NOMO1: variants seen among roughly 807,000 people sequenced by gnomAD.
The protein encoded by NOMO1 is NODAL modulator 1, also known as nodal modulator 3.
NOMO1 carries 40 observed loss-of-function variants against 133.8 expected under a neutral mutation model. The ratio of observed to expected loss-of-function variants is 0.30; its 90% CI spans 0.23 to 0.39. NOMO1 has a LOEUF of 0.39. Among genes scored for constraint, NOMO1 ranks in the 10% least tolerant of loss-of-function variants. The pLI is 1.00. For missense variants in NOMO1, 462 were observed against 1,419.9 expected (o/e 0.33, Z 10.84); for synonymous variants, 236 against 570.5 (o/e 0.41, Z 8.36).
chr16:14,878,835 G>T lies in NOMO1; in HGVS notation c.2757+1G>T. 8 of 1,611,092 alleles carry T rather than the reference G, an allele frequency of 5.0e-6. No homozygotes were observed. Among genetic ancestry groups the T allele is most frequent in the Non-Finnish European group, 5.9e-6 (7 of 1,179,236 alleles). On this transcript the variant is annotated splice_donor_variant, in intron 23 of 30. Coordinates refer to ENST00000287667, the MANE Select transcript of NOMO1 (RefSeq NM_014287.4). LOFTEE classifies it high-confidence loss of function. ...CGGCATTCTGACATTCTCAAACCTG[G>T]TAACGTGTTCTGCAATTTACCACCT...
rs372716658 is a variant in NOMO1, at chr16:14,868,561, A to G, written c.1820A>G (p.Asp607Gly). ...SHAITLEFYQDGNGRENVGIY... is the reference protein window; with the variant it reads ...SHAITLEFYQGGNGRENVGIY... ...TTGCTTCCTTAGGAATTTTATCAGGATGGAAATGGGCGTGAGAATGTGGGG... is the reference window on the plus strand; with the variant it reads ...TTGCTTCCTTAGGAATTTTATCAGGGTGGAAATGGGCGTGAGAATGTGGGG... Residue 607 changes from aspartate to glycine, a missense_variant, in exon 16 of 31, where the codon GAT (aspartate) becomes GGT (glycine). Transcript: ENST00000287667. 99 of 1,611,586 alleles carry G rather than the reference A, an allele frequency of 6.1e-5. 1 individual carries two copies. Among genetic ancestry groups the G allele is most frequent in the Non-Finnish European group, 8.1e-5 (95 of 1,179,724 alleles).
intron 9 of NOMO1, among the ~76,000 whole-genome samples, chr16:14,856,222 G>T (rs911648540): frequency 6.6e-6 from 1 of 151,898 alleles, no homozygotes; most frequent in Non-Finnish European, 1.5e-5. Context: ...TCAGATACTG[G>T]TAAGTTTGAT....
chr16:14,833,920 G>T lies in NOMO1; in HGVS notation c.69G>T (p.Leu23=). The T allele has an allele frequency of 1.5e-6, 1 of 645,642 alleles. No individual in the cohort carries two copies. The highest frequency in any genetic ancestry group is 3.7e-5 in the East Asian group (1 of 26,964). 40.0% of individuals were successfully genotyped at this position (645,642 alleles called of 1,614,324 possible). Reference sequence around the variant, plus strand: ...TCACCGCCGCGGTGGTGCTGCTGCTGAGCGGCGTGGGGCCGGCGCACGGCT... The same window carrying T: ...TCACCGCCGCGGTGGTGCTGCTGCTTAGCGGCGTGGGGCCGGCGCACGGCT... ...AVVTAAVVLL[L]SGVGPAHGSE... is the part of the protein sequence containing the mutation. The change falls in exon 1 of 31, where the codon CTG becomes CTT. Residue 23 remains leucine, a synonymous_variant. Coordinates refer to ENST00000287667, the MANE Select transcript of NOMO1 (RefSeq NM_014287.4).
chr16:14,886,667 C>A, intron 27 of NOMO1, 94 bp from the exon 28 acceptor site: 1 of 1,606,208 alleles, frequency 6.2e-7, no homozygotes, highest in Non-Finnish European at 8.5e-7. Context: ...TCCAAAGACA[C>A]CCACCCAGAA....
chr16:14,881,458 C>G, intron 24 of NOMO1, 86 bp from the exon 25 acceptor site: 6 of 1,609,814 alleles, frequency 3.7e-6, no homozygotes, highest in Non-Finnish European at 5.1e-6. Context: ...ACTATTTTGC[C>G]CCATAATTGT....
chr16:14,882,599 A>G lies in NOMO1; in HGVS notation c.3033A>G (p.Gly1011=), dbSNP rs1247659607. Residue 1011 remains glycine, a synonymous_variant, in exon 26 of 31, where the codon GGA becomes GGG. Coordinates refer to ENST00000287667, the MANE Select transcript of NOMO1 (RefSeq NM_014287.4). Reference sequence around the variant, plus strand: ...ACTCCTGAGTTTTTTTGCAGCCGGGATGTGTGTACCACGTTCAGCTCAAGG... The same window carrying G: ...ACTCCTGAGTTTTTTTGCAGCCGGGGTGTGTGTACCACGTTCAGCTCAAGG... The part of the protein sequence containing the change: ...GKFRLRGLLP[G]CVYHVQLKAE... 2 of 1,611,494 alleles carry G rather than the reference A, an allele frequency of 1.2e-6. No homozygotes were observed. The highest frequency in any genetic ancestry group is 1.7e-6 in the Non-Finnish European group (2 of 1,179,762).
chr16:14,860,066 C>T (rs1963899552), intron 11 of NOMO1, among the ~76,000 whole-genome samples: 1 of 151,734 alleles, frequency 6.6e-6, no homozygotes, highest in African/African-American at 2.4e-5. Flanking sequence ...AGTGGAAACC[C>T]GTTAGGAGTT....
At chr16:14,857,715 C>T (rs1963865041) in intron 11 of NOMO1, 60 bp downstream of exon 11, 15 of 1,610,244 alleles carry the variant, frequency 9.3e-6, no homozygotes, top group Admixed American at 5.0e-5. Context: ...AGTGTAGAAC[C>T]GAATGACCTG....
intron 1 of NOMO1, among the ~76,000 whole-genome samples, chr16:14,836,633 T>C (rs1666215113): frequency 6.6e-6 from 1 of 151,910 alleles, no homozygotes; most frequent in South Asian, 2.1e-4. Context: ...TATTACACTG[T>C]GTTGCCTTTT....
At chr16:14,874,935 A>G (rs1964131723) in intron 18 of NOMO1, 101 bp from the exon 19 acceptor site, 4 of 910,098 alleles carry the variant, frequency 4.4e-6, no homozygotes, top group Middle Eastern at 2.2e-4. Context: ...TCATGATAAG[A>G]TGTCCAGTTT....
chr16:14,875,602 TTGGATGGATGGATGGA>T (rs1166983816), intron 20 of NOMO1, among the ~76,000 whole-genome samples, 180 bp downstream of exon 20: 7 of 149,242 alleles, frequency 4.7e-5, no homozygotes, highest in African/African-American at 1.7e-4. Flanking sequence ...GATGGTTGGG[TTGGATGGATGGATGGA>T]TGGATGGATG....
intron 2 of NOMO1, among the ~76,000 whole-genome samples, chr16:14,839,093 C>T (rs1354132974): frequency 1.3e-5 from 2 of 150,880 alleles, no homozygotes; most frequent in Non-Finnish European, 2.9e-5. Flanking sequence ...CTCGCTCTGT[C>T]GCCCAGGCTG....
At chr16:14,883,973 C>T (rs1180945842) in intron 26 of NOMO1, among the ~76,000 whole-genome samples, 4 of 149,394 alleles carry the variant, frequency 2.7e-5, no homozygotes, top group African/African-American at 7.5e-5. Context: ...GTAATTCAAA[C>T]GTAGAAAAAA....
chr16:14,877,793 A>G (rs1011404637), intron 22 of NOMO1, among the ~76,000 whole-genome samples: 2 of 146,772 alleles, frequency 1.4e-5, no homozygotes, highest in African/African-American at 5.1e-5. Flanking sequence ...AGCATAAATA[A>G]TTTATGGGAC....
chr16:14,879,967 G>C (rs746465280), intron 23 of NOMO1, 48 bp from the exon 24 acceptor site: 1 of 1,611,360 alleles, frequency 6.2e-7, no homozygotes, highest in African/African-American at 1.3e-5. Flanking sequence ...TCACTTTTAA[G>C]CCATGCCTAG....
intron 18 of NOMO1, among the ~76,000 whole-genome samples, chr16:14,874,591 A>C (rs1349720223): frequency 6.6e-6 from 1 of 151,720 alleles, no homozygotes; most frequent in East Asian, 1.9e-4. Flanking sequence ...CTCTGGTATT[A>C]TTTTTCTCTT....
chr16:14,879,917 C>T (rs1346486553), intron 23 of NOMO1, 98 bp from the exon 24 acceptor site: 6 of 1,604,900 alleles, frequency 3.7e-6, no homozygotes, highest in Non-Finnish European at 1.7e-6. Flanking sequence ...AGCCATGGCG[C>T]TCCCCTGGTG....
chr16:14,883,608 A>C (rs1438049587), intron 26 of NOMO1, among the ~76,000 whole-genome samples: 1 of 151,670 alleles, frequency 6.6e-6, no homozygotes, highest in African/African-American at 2.4e-5. Flanking sequence ...CTGGGATTAC[A>C]GGCATGAGCC....
At chr16:14,839,479 T>C (rs1024629793) in intron 2 of NOMO1, among the ~76,000 whole-genome samples, 4 of 152,044 alleles carry the variant, frequency 2.6e-5, no homozygotes, top group Non-Finnish European at 5.9e-5. Flanking sequence ...CACATCGATA[T>C]GTATCCACAA....
Sources: allele counts gnomAD v4.1 joint callset (sites outside exome capture counted in the v4.1 genomes callset), GRCh38; gene constraint gnomAD v4.1.1; transcripts MANE v1.5; gene names NCBI Gene and HGNC (gene_info 2026-07-23, HGNC 2026-07-21).